AKAP6: variants seen among roughly 807,000 people sequenced by gnomAD.
The protein encoded by AKAP6 is A-kinase anchoring protein 6.
A neutral mutation model predicts 188.5 loss-of-function variants in AKAP6; 58 were observed. The ratio of observed to expected loss-of-function variants is 0.31; its 90% CI spans 0.25 to 0.38. The LOEUF (loss-of-function observed/expected upper bound fraction) is 0.38, where lower values mean the gene tolerates loss of function less well. Among genes scored for constraint, AKAP6 ranks in the 10% least tolerant of loss-of-function variants. The pLI is 1.00. For synonymous variants in AKAP6, 989 were observed against 998.6 expected (o/e 0.99, Z 0.18); for missense variants, 2,710 against 2,740.0 (o/e 0.99, Z 0.24).
chr14:32,762,960 A>G (rs1200572111), intron 11 of AKAP6, among the ~76,000 whole-genome samples: 1 of 152,108 alleles, frequency 6.6e-6, no homozygotes, highest in African/African-American at 2.4e-5. Context: ...GAGGGGAGGT[A>G]ATTTTTCTTA....
At chr14:32,531,615 C>T (rs750989246) in intron 2 of AKAP6, among the ~76,000 whole-genome samples, 67 of 152,302 alleles carry the variant, frequency 4.4e-4, no homozygotes, top group Middle Eastern at 3.4e-3. Flanking sequence ...GTCTGCAAAA[C>T]TCCCTTGTGC....
chr14:32,692,962 A>G (rs1233821968), intron 8 of AKAP6, among the ~76,000 whole-genome samples: 4 of 152,312 alleles, frequency 2.6e-5, no homozygotes, highest in Non-Finnish European at 4.4e-5. Context: ...TAATAAATTA[A>G]CATTCTCTTT....
intron 2 of AKAP6, among the ~76,000 whole-genome samples, chr14:32,459,725 C>T (rs1419375256): frequency 2.1e-5 from 3 of 143,116 alleles, no homozygotes; most frequent in Non-Finnish European, 3.1e-5. Context: ...AAATTGTCAC[C>T]GAAATTTGTC....
At chr14:32,717,687 C>T (rs1214641349) in intron 9 of AKAP6, among the ~76,000 whole-genome samples, 2 of 151,898 alleles carry the variant, frequency 1.3e-5, no homozygotes, top group Non-Finnish European at 2.9e-5. Flanking sequence ...TTATAGCAGA[C>T]TCCTTTACAT....
At chr14:32,771,663 T>C (rs917076830) in intron 11 of AKAP6, among the ~76,000 whole-genome samples, 1 of 152,228 alleles carries the variant, frequency 6.6e-6, no homozygotes, top group African/African-American at 2.4e-5. Context: ...GTGCTAACTC[T>C]GCACATACCT....
At chr14:32,416,989 T>A (rs1005739890) in intron 1 of AKAP6, among the ~76,000 whole-genome samples, 1 of 152,132 alleles carries the variant, frequency 6.6e-6, no homozygotes, top group Non-Finnish European at 1.5e-5. Context: ...TAAAGGCATG[T>A]GCCACTGCAA....
chr14:32,614,405 A>G (rs542938441), intron 7 of AKAP6, among the ~76,000 whole-genome samples: 3 of 152,234 alleles, frequency 2.0e-5, no homozygotes, highest in Admixed American at 1.3e-4. Flanking sequence ...ACTTTCTCTC[A>G]TAACAGTCTT....
chr14:32,407,451 A>G (rs981071209), intron 1 of AKAP6, among the ~76,000 whole-genome samples: 1 of 152,168 alleles, frequency 6.6e-6, no homozygotes, highest in African/African-American at 2.4e-5. Flanking sequence ...CTCAGCCTCC[A>G]CAGAGCAATG....
In AKAP6 at chr14:32,509,120, C is replaced by CTTTTTTTTTTT. The variant is rs368423502; in HGVS notation, c.325-26420_325-26410dup. On this transcript the variant is annotated intron_variant, in intron 2 of 13. Coordinates refer to ENST00000280979, the MANE Select transcript of AKAP6 (RefSeq NM_004274.5). The stretch of plus-strand genomic sequence containing the variant: ...AGGCGTAAGCCACCATGCCCTGCCT[C>CTTTTTTTTTTT]TTTTTTTTTTTTTTTTTTTTTTTTG... 1.4e-4 allele frequency among the ~76,000 whole-genome samples: 13 copies of CTTTTTTTTTTT among 94,776 alleles called. 2 individuals are homozygous for CTTTTTTTTTTT. The highest frequency in any genetic ancestry group is 1.8e-4 in the Non-Finnish European group (9 of 50,566). 62.2% of individuals were successfully genotyped at this position (94,776 alleles called of 152,430 possible).
chr14:32,553,121 G>T (rs181004349), intron 4 of AKAP6, among the ~76,000 whole-genome samples: 2 of 150,896 alleles, frequency 1.3e-5, no homozygotes, highest in Non-Finnish European at 1.5e-5. Context: ...GACTAATTTT[G>T]TAAAACAAAA....
intron 8 of AKAP6, among the ~76,000 whole-genome samples, chr14:32,688,894 C>A (rs947990676): frequency 6.6e-6 from 1 of 152,102 alleles, no homozygotes; most frequent in African/African-American, 2.4e-5. Context: ...GGGCAACAGA[C>A]AATTATTTAC....
intron 7 of AKAP6, among the ~76,000 whole-genome samples, chr14:32,649,774 T>G (rs1293873977): frequency 1.3e-5 from 2 of 152,188 alleles, no homozygotes; most frequent in Admixed American, 1.3e-4. Flanking sequence ...TAACCTCCAT[T>G]TCATCAGAAT....
At chr14:32,567,938 A>C (rs1315766920) in intron 4 of AKAP6, among the ~76,000 whole-genome samples, 1 of 152,158 alleles carries the variant, frequency 6.6e-6, no homozygotes, top group Non-Finnish European at 1.5e-5. Flanking sequence ...AGCAAGTGGA[A>C]AAAAGAGGAG....
At chr14:32,470,876 G>A (rs1006435382) in intron 2 of AKAP6, among the ~76,000 whole-genome samples, 1 of 152,032 alleles carries the variant, frequency 6.6e-6, no homozygotes, top group African/African-American at 2.4e-5. Flanking sequence ...TTGATTTTTG[G>A]TTAATGTTGA....
chr14:32,700,699 C>G (rs1037389930), intron 9 of AKAP6, among the ~76,000 whole-genome samples: 24 of 152,132 alleles, frequency 1.6e-4, no homozygotes, highest in African/African-American at 5.8e-4. Flanking sequence ...ATAGGCTCTA[C>G]CGTATAGCCA....
intron 12 of AKAP6, among the ~76,000 whole-genome samples, chr14:32,807,250 C>G (rs920369511): frequency 2.0e-5 from 3 of 149,386 alleles, no homozygotes; most frequent in Non-Finnish European, 4.4e-5. Flanking sequence ...TGCCTGAGTG[C>G]AGGAGCTCAA....
At chr14:32,723,042 C>T (rs2030635052) in intron 9 of AKAP6, among the ~76,000 whole-genome samples, 1 of 152,228 alleles carries the variant, frequency 6.6e-6, no homozygotes. Context: ...CCCAAAGTCA[C>T]TTGCCCTGGC....
chr14:32,329,922 A>T (rs1311039631), intron 1 of AKAP6, among the ~76,000 whole-genome samples: 4 of 152,092 alleles, frequency 2.6e-5, no homozygotes, highest in African/African-American at 9.7e-5. Flanking sequence ...GTGAAAGGGG[A>T]TCTCTTGCAT....
intron 2 of AKAP6, among the ~76,000 whole-genome samples, chr14:32,515,829 T>C (rs1881493958): frequency 6.6e-6 from 1 of 152,240 alleles, no homozygotes; most frequent in Non-Finnish European, 1.5e-5. Context: ...AGACTTCATT[T>C]ACATGTGGTA....
Sources: gnomAD v4.1 joint callset for allele counts (sites outside exome capture counted in the v4.1 genomes callset) on GRCh38, gnomAD v4.1.1 for gene constraint, MANE v1.5 for transcripts, NCBI Gene and HGNC (gene_info 2026-07-23, HGNC 2026-07-21) for gene names.